ARPIN: variants seen among roughly 807,000 people sequenced by gnomAD.
ARPIN encodes the protein UPF0552 protein C15orf38.
ARPIN carries 23 observed loss-of-function variants against 25.9 expected under a neutral mutation model. The ratio of observed to expected loss-of-function variants is 0.89; its 90% CI spans 0.64 to 1.26. The LOEUF (loss-of-function observed/expected upper bound fraction) is 1.26. ARPIN is among the 50% of genes most tolerant of loss of function. ARPIN has a pLI of 0.00. For synonymous variants in ARPIN, 126 were observed against 131.4 expected, an observed-to-expected ratio of 0.96 and a Z score of 0.28; for missense variants, 333 against 312.2, an observed-to-expected ratio of 1.07 and a Z score of -0.50.
At chr15:89,912,453 C>A in intron 1 of ARPIN, 1 of 1,224,804 alleles carries the variant, frequency 8.2e-7, no homozygotes, top group Non-Finnish European at 1.0e-6. Flanking sequence ...GGCCGGAGGT[C>A]GGCGTGAGGC....
chr15:89,908,456 C>G, intron 2 of ARPIN, 44 bp from the exon 3 acceptor site: 3 of 1,609,656 alleles, frequency 1.9e-6, no homozygotes, highest in South Asian at 2.2e-5. Flanking sequence ...CTTCATCCCA[C>G]AACACACACA....
In ARPIN at chr15:89,912,919, G is replaced by C. The variant is rs1897253369; in HGVS notation, c.-84C>G. On this transcript the variant is annotated 5_prime_UTR_variant, in exon 1 of 6. Transcript: ENST00000357484. ...GCGGGAAGTGCTGCAGGACGCGCGG[G>C]GACCCGCGATTCCCAGCCGGCGGAT... The C allele has an allele frequency of 5.0e-6, 7 of 1,406,170 alleles. No individual in the cohort carries two copies. Among genetic ancestry groups the C allele is most frequent in the Non-Finnish European group, 6.5e-6 (7 of 1,084,772 alleles). 87.1% of individuals were successfully genotyped at this position (1,406,170 alleles called of 1,614,324 possible). A position where few individuals can be genotyped will look rare whatever the true frequency, so the allele number is the denominator to read the frequency against.
chr15:89,910,943 C>T (rs79943794), intron 1 of ARPIN, 124 bp from the exon 2 acceptor site: 26,505 of 1,177,624 alleles, frequency 0.023, 357 homozygotes, highest in Non-Finnish European at 0.026. Flanking sequence ...CCCGTGCTTC[C>T]GACATAGGGA....
Position 89,908,338 on chromosome 15 carries a change from G to A in ARPIN, c.243C>T (p.Ile81=), listed in dbSNP as rs1275379079. The stretch of plus-strand genomic sequence containing the variant: ...TCCTGGTGGCGCTGAAGTTGGGCTC[G>A]ATTTCATTTCCCTTGGCGTCGAATT... The part of the protein sequence containing the change: ...RRKFDAKGNE[I]EPNFSATRKV... Residue 81 remains isoleucine (I), a synonymous_variant, in exon 3 of 6, where the codon ATC becomes ATT. Transcript: ENST00000357484. 1.3e-5 allele frequency: 21 copies of A among 1,614,070 alleles called. No homozygotes were observed. Among genetic ancestry groups the A allele is most frequent in the East Asian group, 1.1e-4 (5 of 44,892 alleles).
intron 4 of ARPIN, 36 bp downstream of exon 4, chr15:89,903,741 G>A: frequency 6.2e-7 from 1 of 1,610,854 alleles, no homozygotes; most frequent in Non-Finnish European, 8.5e-7. Context: ...GGGCCACACA[G>A]GAACAGTGGG....
chr15:89,907,902 T>C (rs1897151553), intron 3 of ARPIN, among the ~76,000 whole-genome samples: 1 of 152,272 alleles, frequency 6.6e-6, no homozygotes, highest in African/African-American at 2.4e-5. Flanking sequence ...TTTTGTTATA[T>C]AGCACGCACG....
rs559231367 is a variant in ARPIN at position 89,902,032 on chromosome 15, G to A, written c.673-229C>T. ...AAGGAATCCAGACACTCTCATCTGC[G>A]TGCGCCTGCTTTCTCTGGCAAAAGA... is the stretch of plus-strand genomic sequence containing the variant. On this transcript the variant is annotated intron_variant, in intron 5 of 5. Coordinates refer to ENST00000357484, the MANE Select transcript of ARPIN (RefSeq NM_182616.4). Among the ~76,000 whole-genome samples, 14 of 152,240 alleles carry A rather than the reference G, an allele frequency of 9.2e-5. No individual in the cohort carries two copies. In the East Asian group the frequency reaches 1.4e-3, roughly 15 times the overall value.
intron 5 of ARPIN, 50 bp from the exon 6 acceptor site, chr15:89,901,853 A>G (rs1267700122): frequency 6.2e-7 from 1 of 1,604,064 alleles, no homozygotes; most frequent in Non-Finnish European, 8.5e-7. Context: ...CATGTCATAA[A>G]CGTCACTGCA....
At chr15:89,906,017 CT>C (rs1897114338) in intron 3 of ARPIN, among the ~76,000 whole-genome samples, 1 of 152,110 alleles carries the variant, frequency 6.6e-6, no homozygotes, top group African/African-American at 2.4e-5. Flanking sequence ...TGCCCAACCC[CT>C]GGCATCATCA....
chr15:89,901,616 C>T lies in ARPIN; in HGVS notation c.*179G>A. ...ACAGCATGAGGCCCCACCACCAACA[C>T]AGTGGTCATGGGTTTGGTTTTAGCA... On this transcript the variant is annotated 3_prime_UTR_variant, in exon 6 of 6. Coordinates refer to ENST00000357484, the MANE Select transcript of ARPIN (RefSeq NM_182616.4). The T allele has an allele frequency of 1.4e-6, 1 of 699,788 alleles. No individual in the cohort carries two copies. 43.3% of individuals were successfully genotyped at this position (699,788 alleles called of 1,614,324 possible).
At chr15:89,903,101 A>G in intron 5 of ARPIN, 115 bp downstream of exon 5, 2 of 1,602,022 alleles carry the variant, frequency 1.2e-6, no homozygotes, top group Admixed American at 1.7e-5. Flanking sequence ...ACAGAATTCC[A>G]CTAAAGCTGG....
intron 3 of ARPIN, among the ~76,000 whole-genome samples, chr15:89,905,588 C>T (rs914384219): frequency 1.3e-5 from 2 of 152,112 alleles, no homozygotes; most frequent in African/African-American, 2.4e-5. Context: ...TTCTTGGATG[C>T]TCCATATCTC....
chr15:89,905,213 G>T (rs1033246617), intron 3 of ARPIN, among the ~76,000 whole-genome samples: 2 of 151,886 alleles, frequency 1.3e-5, no homozygotes, highest in African/African-American at 4.8e-5. Context: ...TTAGAAACGG[G>T]GTTTCACCAT....
At chr15:89,912,663 T>TGTGGGG in intron 1 of ARPIN, 81 bp downstream of exon 1, 1 of 871,090 alleles carries the variant, frequency 1.1e-6, no homozygotes, top group Non-Finnish European at 1.4e-6. Context: ...CCCACCCGCA[T>TGTGGGG]CCCACCCCCC....
At chr15:89,904,986 TG>T (rs1362105420) in intron 3 of ARPIN, among the ~76,000 whole-genome samples, 1 of 151,090 alleles carries the variant, frequency 6.6e-6, no homozygotes, top group Non-Finnish European at 1.5e-5. Flanking sequence ...AGCCATCAAG[TG>T]AGACCTCTCA....
At chr15:89,909,465 G>A (rs1897185549) in intron 2 of ARPIN, among the ~76,000 whole-genome samples, 1 of 152,226 alleles carries the variant, frequency 6.6e-6, no homozygotes. Context: ...GTGCATGTTT[G>A]AGCCACGCAG....
intron 3 of ARPIN, 145 bp downstream of exon 3, chr15:89,908,135 G>C: frequency 7.5e-7 from 1 of 1,331,348 alleles, no homozygotes; most frequent in Admixed American, 2.7e-5. Context: ...GCCAGGGGTG[G>C]ATGTGGAAGC....
rs527724260 is a variant in ARPIN at position 89,901,296 on chromosome 15, C to T, written c.*499G>A. On this transcript the variant is annotated 3_prime_UTR_variant, in exon 6 of 6. Transcript: ENST00000357484. The stretch of plus-strand genomic sequence containing the variant: ...TTTAGACAAGGGATATTCCCCACTC[C>T]GCACCAATACCAGGTCCAGTTACTC... The T allele has an allele frequency of 2.4e-5, 4 of 169,770 alleles. No individual in the cohort carries two copies. Among genetic ancestry groups the T allele is most frequent in the South Asian group, 1.5e-4 (1 of 6,618 alleles). The allele number at this position is 169,770 out of a possible 1,614,324, so 10.5% of individuals were successfully genotyped here. A position where few individuals can be genotyped will look rare whatever the true frequency, so the allele number is the denominator to read the frequency against.
rs1321778010 is a variant in ARPIN, at chr15:89,901,406, CA to C, written c.*388del. ...GCCAGGGTCAACATGAGGCTGGGTG[CA>C]GTGGCTCACGCCTGTAATCCCAACA... is the stretch of plus-strand genomic sequence containing the variant. On this transcript the variant is annotated 3_prime_UTR_variant, in exon 6 of 6. Transcript: ENST00000357484. 2.4e-5 allele frequency: 6 copies of C among 248,484 alleles called. No homozygotes were observed. The highest frequency in any genetic ancestry group is 4.7e-5 in the Non-Finnish European group (6 of 128,310). The allele number at this position is 248,484 out of a possible 1,614,324, so 15.4% of individuals were successfully genotyped here. A position where few individuals can be genotyped will look rare whatever the true frequency, so the allele number is the denominator to read the frequency against.
Sources: allele counts gnomAD v4.1 joint callset (sites outside exome capture counted in the v4.1 genomes callset), GRCh38; gene constraint gnomAD v4.1.1; transcripts MANE v1.5; gene names NCBI Gene and HGNC (gene_info 2026-07-23, HGNC 2026-07-21).